Variants in KCNH5 observed in about 807,000 individuals in gnomAD.
The protein encoded by KCNH5 is voltage-gated delayed rectifier potassium channel KCNH5.
A neutral mutation model predicts 96.1 loss-of-function variants in KCNH5; 46 were observed. The observed-to-expected ratio is 0.48, with a 90% CI of 0.38 to 0.61. The LOEUF (loss-of-function observed/expected upper bound fraction) is 0.61. KCNH5 is among the 20% of genes least tolerant of loss of function. The pLI, the probability that KCNH5 is intolerant of heterozygous loss-of-function variation, is 0.00. For missense variants in KCNH5, 907 were observed against 1,225.8 expected (o/e 0.74, Z 3.88); for synonymous variants, 439 against 449.8 (o/e 0.98, Z 0.30).
At chr14:62,937,514 CAGGAGT>C (rs1889708227) in intron 7 of KCNH5, among the ~76,000 whole-genome samples, 1 of 152,122 alleles carries the variant, frequency 6.6e-6, no homozygotes, top group Non-Finnish European at 1.5e-5. Context: ...AGGGGAGAGT[CAGGAGT>C]GTAAAGGAAT....
At chr14:62,781,623 T>C (rs1335951568) in intron 9 of KCNH5, among the ~76,000 whole-genome samples, 1 of 152,196 alleles carries the variant, frequency 6.6e-6, no homozygotes, top group Non-Finnish European at 1.5e-5. Flanking sequence ...AGAAAAAGAA[T>C]TCAGTGATAT....
chr14:62,832,452 T>C (rs998850969), intron 8 of KCNH5, among the ~76,000 whole-genome samples: 1 of 152,196 alleles, frequency 6.6e-6, no homozygotes, highest in Non-Finnish European at 1.5e-5. Flanking sequence ...CTTCTTTCTA[T>C]AGATGAATTA....
chr14:62,807,219 C>T (rs1206951216), intron 8 of KCNH5, among the ~76,000 whole-genome samples: 1 of 151,900 alleles, frequency 6.6e-6, no homozygotes, highest in Admixed American at 6.6e-5. Flanking sequence ...TCAAAGAAAA[C>T]AAAAAATAAA....
In KCNH5 at chr14:62,914,576, C is replaced by T. The variant is rs561976647; in HGVS notation, c.1369+35557G>A. On this transcript the variant is annotated intron_variant, in intron 7 of 10. Transcript: ENST00000322893. ...AGACAAAAATCTTATTGATCTCTCT[C>T]TTCTCACATTTACATATATTTTACA... 2.2e-4 allele frequency among the ~76,000 whole-genome samples: 34 copies of T among 152,296 alleles called. No individual in the cohort carries two copies. In the South Asian group the frequency reaches 6.6e-3, roughly 30 times the overall value.
At chr14:62,928,514 C>A (rs1328626899) in intron 7 of KCNH5, among the ~76,000 whole-genome samples, 1 of 152,080 alleles carries the variant, frequency 6.6e-6, no homozygotes, top group Non-Finnish European at 1.5e-5. Context: ...CGGGTTTTCA[C>A]AACAATCCTA....
chr14:62,801,499 ATTTT>A (rs35409070), intron 9 of KCNH5, among the ~76,000 whole-genome samples: 3 of 108,854 alleles, frequency 2.8e-5, no homozygotes, highest in Admixed American at 1.1e-4. Flanking sequence ...TCATTTGGCA[ATTTT>A]TTTTTTTTTT....
rs1026546551 is a variant in KCNH5, at chr14:62,705,257, T to C, written c.*2251A>G. Reference sequence around the variant, plus strand: ...ATCATCATGTTGTTCACAGTCATTCTTTTATAGCTTTACACCAATAGTTAG... The same window carrying C: ...ATCATCATGTTGTTCACAGTCATTCCTTTATAGCTTTACACCAATAGTTAG... On this transcript the variant is annotated 3_prime_UTR_variant, in exon 11 of 11. Coordinates refer to ENST00000322893, the MANE Select transcript of KCNH5 (RefSeq NM_139318.5). 6.6e-6 allele frequency: 1 copy of C among 152,036 alleles called. No individual in the cohort carries two copies. The highest frequency in any genetic ancestry group is 2.4e-5 in the African/African-American group (1 of 41,458). The allele number at this position is 152,036 out of a possible 1,614,324, so 9.4% of individuals were successfully genotyped here. A position where few individuals can be genotyped will look rare whatever the true frequency, so the allele number is the denominator to read the frequency against.
At chr14:63,041,195 G>C (rs1891817965) in intron 1 of KCNH5, among the ~76,000 whole-genome samples, 1 of 152,002 alleles carries the variant, frequency 6.6e-6, no homozygotes, top group South Asian at 2.1e-4. Context: ...TCAGGTTGAA[G>C]GTCTTTGAAA....
intron 1 of KCNH5, among the ~76,000 whole-genome samples, chr14:63,039,597 T>C (rs1019734434): frequency 6.6e-5 from 10 of 152,212 alleles, no homozygotes; most frequent in African/African-American, 2.4e-4. Context: ...ACTGTATGTA[T>C]ATGAAATGCT....
intron 7 of KCNH5, among the ~76,000 whole-genome samples, chr14:62,936,571 A>T (rs1433229686): frequency 6.6e-6 from 1 of 150,624 alleles, no homozygotes; most frequent in African/African-American, 2.4e-5. Flanking sequence ...GCTACTTGGG[A>T]GGCTGAGACA....
At chr14:63,015,066 C>T (rs1381194683) in intron 2 of KCNH5, among the ~76,000 whole-genome samples, 1 of 152,050 alleles carries the variant, frequency 6.6e-6, no homozygotes, top group Non-Finnish European at 1.5e-5. Context: ...CTCCCATTTA[C>T]CAATTTCCAT....
intron 10 of KCNH5, among the ~76,000 whole-genome samples, chr14:62,737,089 T>C (rs529460499): frequency 9.1e-4 from 138 of 152,316 alleles, no homozygotes; most frequent in African/African-American, 3.2e-3. Context: ...GAGGTCTAAT[T>C]ATCCTACATA....
chr14:62,795,099 T>C (rs1430247603), intron 9 of KCNH5, among the ~76,000 whole-genome samples: 1 of 152,106 alleles, frequency 6.6e-6, no homozygotes, highest in South Asian at 2.1e-4. Context: ...TAGTTAACAG[T>C]AGGAAAATGT....
Position 63,000,229 on chromosome 14 carries a change from A to G in KCNH5, c.433+1102T>C, listed in dbSNP as rs562860422. Among the ~76,000 whole-genome samples the G allele has an allele frequency of 2.0e-5, 3 of 152,346 alleles. No homozygotes were observed. In the South Asian group the frequency reaches 6.2e-4, roughly 32 times the overall value. ...TTAAAGTTTCTATGCCAGTTTTTTA[A>G]AAAGAAGTAAGGAAAGGCGATGTTT... On this transcript the variant is annotated intron_variant, in intron 4 of 10. Coordinates refer to ENST00000322893, the MANE Select transcript of KCNH5 (RefSeq NM_139318.5).
chr14:62,794,223 G>T (rs1455548224), intron 9 of KCNH5, among the ~76,000 whole-genome samples: 13 of 151,894 alleles, frequency 8.6e-5, no homozygotes, highest in Non-Finnish European at 1.9e-4. Context: ...TACTGTTATG[G>T]TGCCTAATTC....
In KCNH5 at chr14:63,016,812, T is replaced by C. The variant is rs1320817763; in HGVS notation, c.197+19A>G. Reference sequence around the variant, plus strand: ...TTGTTAAATTTCAGAAAAGATTACTTAGCTATTCTGTTACCTACCTGCAAG... The same window carrying C: ...TTGTTAAATTTCAGAAAAGATTACTCAGCTATTCTGTTACCTACCTGCAAG... On this transcript the variant is annotated intron_variant, in intron 2 of 10. Transcript: ENST00000322893. The C allele has an allele frequency of 6.3e-7, 1 of 1,599,906 alleles. No individual in the cohort carries two copies. Among genetic ancestry groups the C allele is most frequent in the Non-Finnish European group, 8.5e-7 (1 of 1,174,832 alleles).
chr14:62,964,322 A>G (rs1052995712), intron 6 of KCNH5, among the ~76,000 whole-genome samples: 2 of 152,140 alleles, frequency 1.3e-5, no homozygotes, highest in Non-Finnish European at 2.9e-5. Flanking sequence ...TTCCTTTGCA[A>G]CTAAAAAGAA....
chr14:62,727,273 GA>G (rs1254600021), intron 10 of KCNH5, among the ~76,000 whole-genome samples: 1 of 152,102 alleles, frequency 6.6e-6, no homozygotes, highest in African/African-American at 2.4e-5. Flanking sequence ...GCTGAGGCAG[GA>G]GAATCACTTG....
intron 3 of KCNH5, among the ~76,000 whole-genome samples, chr14:63,003,492 T>C (rs894186685): frequency 1.6e-5 from 2 of 125,416 alleles, no homozygotes; most frequent in Non-Finnish European, 3.2e-5. Context: ...TTTATATATA[T>C]TATATATATA....
Sources: allele counts gnomAD v4.1 joint callset (sites outside exome capture counted in the v4.1 genomes callset), GRCh38; gene constraint gnomAD v4.1.1; transcripts MANE v1.5; gene names NCBI Gene and HGNC (gene_info 2026-07-23, HGNC 2026-07-21).